Variants in PTPRS observed in about 807,000 individuals in gnomAD.
PTPRS encodes protein tyrosine phosphatase receptor type S.
PTPRS carries 63 observed loss-of-function variants against 215.3 expected under a neutral mutation model. The ratio of observed to expected loss-of-function variants is 0.29; its 90% CI spans 0.24 to 0.36. The LOEUF (loss-of-function observed/expected upper bound fraction) is 0.36, where lower values mean the gene tolerates loss of function less well. Ranked by LOEUF, PTPRS falls within the 10% of genes least tolerant of loss-of-function variation. The pLI is 1.00. For synonymous variants in PTPRS, 1,404 were observed against 1,191.4 expected (o/e 1.18, Z -3.68); for missense variants, 2,258 against 2,825.8 (o/e 0.80, Z 4.56).
rs573205056 is a variant in PTPRS, at chr19:5,291,290, T to C, written c.-94-5056A>G. ...CCCATTAAATGTTCTCTGTGTTTTCTGCTGTTTAACGGATTAGGAAACCGA... is the reference window on the plus strand; with the variant it reads ...CCCATTAAATGTTCTCTGTGTTTTCCGCTGTTTAACGGATTAGGAAACCGA... On this transcript the variant is annotated intron_variant, in intron 1 of 37. Coordinates refer to ENST00000262963, the MANE Select transcript of PTPRS (RefSeq NM_002850.4). Among the ~76,000 whole-genome samples the C allele has an allele frequency of 3.9e-5, 6 of 152,166 alleles. No individual in the cohort carries two copies. The South Asian group carries it at 1.2e-3, about 32-fold the overall frequency.
intron 9 of PTPRS, among the ~76,000 whole-genome samples, chr19:5,251,658 G>A (rs1208965492): frequency 3.3e-5 from 5 of 152,130 alleles, no homozygotes; most frequent in South Asian, 2.1e-4. Flanking sequence ...GGCAGCAGGC[G>A]AGAGGTGTTC....
At chr19:5,209,463 A>G (rs750329576) in intron 35 of PTPRS, among the ~76,000 whole-genome samples, 42 of 152,104 alleles carry the variant, frequency 2.8e-4, no homozygotes, top group Non-Finnish European at 5.3e-4. Context: ...ATCCTCTGCC[A>G]CCATTTGCCA....
At chr19:5,274,168 C>A (rs751759166) in intron 3 of PTPRS, 31 bp downstream of exon 3, 10 of 1,590,770 alleles carry the variant, frequency 6.3e-6, no homozygotes, top group African/African-American at 1.3e-5. Context: ...GGAGCATTGA[C>A]CCCAGGCTGC....
intron 22 of PTPRS, 25 bp downstream of exon 22, chr19:5,219,914 T>G (rs537714956): frequency 1.2e-6 from 2 of 1,607,440 alleles, no homozygotes; most frequent in African/African-American, 1.3e-5. Context: ...TGTCTGGATG[T>G]GGGCGGACAC....
intron 1 of PTPRS, among the ~76,000 whole-genome samples, chr19:5,298,855 T>C (rs1006536485): frequency 1.3e-5 from 2 of 152,216 alleles, no homozygotes; most frequent in Non-Finnish European, 2.9e-5. Context: ...ACTCTGCTGA[T>C]AGCAGCTCTG....
At chr19:5,333,704 G>A (rs2147296113) in intron 1 of PTPRS, among the ~76,000 whole-genome samples, 1 of 152,044 alleles carries the variant, frequency 6.6e-6, no homozygotes, top group African/African-American at 2.4e-5. Context: ...TATGATAGAG[G>A]CAATGTCAAA....
Position 5,315,350 on chromosome 19 carries a change from G to GCTTTTTTTTTTT in PTPRS, c.-95+25313_-95+25314insAAAAAAAAAAAG, listed in dbSNP as rs2049835558. ...TCATGGAGAATTTTTATTTGAAAAG[G>GCTTTTTTTTTTT]GTTTTTTTTTTTTTTTTTTTTTTTT... is the stretch of plus-strand genomic sequence containing the variant. On this transcript the variant is annotated intron_variant, in intron 1 of 37. Transcript: ENST00000262963. 2.5e-3 allele frequency among the ~76,000 whole-genome samples: 249 copies of GCTTTTTTTTTTT among 101,300 alleles called. 78 individuals carry two copies. Among genetic ancestry groups the GCTTTTTTTTTTT allele is most frequent in the Non-Finnish European group, 3.9e-3 (208 of 52,768 alleles). 66.5% of individuals were successfully genotyped at this position (101,300 alleles called of 152,430 possible). A position where few individuals can be genotyped will look rare whatever the true frequency, so the allele number is the denominator to read the frequency against.
rs890695509 is a variant in PTPRS, at chr19:5,244,547, G to A, written c.989-65C>T. On this transcript the variant is annotated intron_variant, in intron 10 of 37. Transcript: ENST00000262963. This position sits in a 1 kb window ranked among gnomAD's most constrained non-coding sequence, Gnocchi z 7.2. ...TGGTTGAGGACCCTGAAGGCTGTGTGACTTTTCACCATTCAGTCGCCTTCT... is the reference window on the plus strand; with the variant it reads ...TGGTTGAGGACCCTGAAGGCTGTGTAACTTTTCACCATTCAGTCGCCTTCT... 22 of 1,357,488 alleles carry A rather than the reference G, an allele frequency of 1.6e-5. No individual in the cohort carries two copies. The highest frequency in any genetic ancestry group is 1.8e-4 in the Middle Eastern group (1 of 5,432). 84.1% of individuals were successfully genotyped at this position (1,357,488 alleles called of 1,614,324 possible).
Position 5,281,141 on chromosome 19 carries a change from A to G in PTPRS, c.91+4909T>C, listed in dbSNP as rs114550736. 7.2e-4 allele frequency among the ~76,000 whole-genome samples: 109 copies of G among 151,976 alleles called. 1 individual carries two copies. The highest frequency in any genetic ancestry group is 2.4e-3 in the African/African-American group (101 of 41,500). ...TTGCAGCAACAGCCAATCCCACTGT[A>G]CTGATTCAGGAATGTTAATGGGTTC... is the stretch of plus-strand genomic sequence containing the variant. On this transcript the variant is annotated intron_variant, in intron 2 of 37. Transcript: ENST00000262963.
chr19:5,250,238 C>T (rs745698714), intron 9 of PTPRS, among the ~76,000 whole-genome samples: 39 of 152,322 alleles, frequency 2.6e-4, no homozygotes, highest in Admixed American at 5.9e-4. Flanking sequence ...TGGTTTGCCA[C>T]GAGTTTAAGG....
intron 13 of PTPRS, among the ~76,000 whole-genome samples, chr19:5,233,710 G>A (rs985046563): frequency 1.7e-4 from 26 of 151,238 alleles, no homozygotes; most frequent in African/African-American, 6.3e-4. Flanking sequence ...TTGGGAGGCC[G>A]AGGTGGGTGG....
At chr19:5,277,653 C>T (rs2047500815) in intron 2 of PTPRS, 2 of 423,552 alleles carry the variant, frequency 4.7e-6, no homozygotes, top group Admixed American at 6.6e-5. Context: ...GAGACTCCAT[C>T]TCAAAAAAAA....
At chr19:5,284,573 C>T (rs947186827) in intron 2 of PTPRS, among the ~76,000 whole-genome samples, 4 of 151,810 alleles carry the variant, frequency 2.6e-5, no homozygotes, top group Admixed American at 6.6e-5. Flanking sequence ...CATAGTTGTA[C>T]GACGGGGATG....
chr19:5,220,400 C>A (rs1471992488), intron 20 of PTPRS, 47 bp from the exon 21 acceptor site: 5 of 1,499,778 alleles, frequency 3.3e-6, no homozygotes, highest in Middle Eastern at 1.7e-4. Context: ...ATAGGGATGA[C>A]CAAGGGATGC....
chr19:5,242,454 G>A (rs984200638), intron 11 of PTPRS, among the ~76,000 whole-genome samples: 3 of 151,076 alleles, frequency 2.0e-5, no homozygotes, highest in Admixed American at 1.3e-4. Flanking sequence ...TTGGCTCACC[G>A]CCTCCCGAGT....
chr19:5,208,138 TCTAA>T, intron 36 of PTPRS, 81 bp from the exon 37 acceptor site: 2 of 1,574,418 alleles, frequency 1.3e-6, no homozygotes, highest in Non-Finnish European at 1.7e-6. Flanking sequence ...CCCCGAGGAC[TCTAA>T]CAGCCCAGAT....
At chr19:5,241,345 A>G (rs8100053) in intron 11 of PTPRS, among the ~76,000 whole-genome samples, 111,267 of 151,832 alleles carry the variant, frequency 0.73, 41,895 homozygotes, top group African/African-American at 0.92. Flanking sequence ...GTGTAGTGGC[A>G]CGATCATAGC....
rs542681533 is a variant in PTPRS, at chr19:5,225,275, G to A, written c.2494+452C>T. Among the ~76,000 whole-genome samples, 30 of 152,188 alleles carry A rather than the reference G, an allele frequency of 2.0e-4. 2 individuals are homozygous for A. In the South Asian group the frequency reaches 6.0e-3, roughly 31 times the overall value. On this transcript the variant is annotated intron_variant, in intron 17 of 37. Coordinates refer to ENST00000262963, the MANE Select transcript of PTPRS (RefSeq NM_002850.4). ...AACCTAGCCGGGGCGACCAGAGCCT[G>A]GATGGGGGAAGCACAGGAGACTAGG...
chr19:5,227,940 C>G (rs1263227941), intron 16 of PTPRS, among the ~76,000 whole-genome samples: 2 of 151,760 alleles, frequency 1.3e-5, no homozygotes, highest in African/African-American at 4.9e-5. Flanking sequence ...ACACACGCAC[C>G]CCCCCAAGCA....
Sources: gnomAD v4.1 joint callset for allele counts (sites outside exome capture counted in the v4.1 genomes callset) on GRCh38, gnomAD v4.1.1 for gene constraint, Gnocchi (gnomAD v3.1) non-coding constraint, MANE v1.5 for transcripts, NCBI Gene and HGNC (gene_info 2026-07-23, HGNC 2026-07-21) for gene names.